Variants in SLC51A observed in about 807,000 individuals in gnomAD.
SLC51A encodes the protein solute carrier family 51 member A.
A neutral mutation model predicts 34.8 loss-of-function variants in SLC51A; 22 were observed. That is an observed-to-expected ratio of 0.63 (90% CI 0.45 to 0.90). The LOEUF (loss-of-function observed/expected upper bound fraction) is 0.90, where lower values mean the gene tolerates loss of function less well. Among genes scored for constraint, SLC51A ranks in the 40% least tolerant of loss-of-function variants. SLC51A has a pLI of 0.00. For synonymous variants in SLC51A, 181 were observed against 176.3 expected (o/e 1.03, Z -0.21); for missense variants, 371 against 414.8 (o/e 0.89, Z 0.92).
At position 196,233,257 on chromosome 3, in the gene SLC51A, A is replaced by C; in HGVS notation, c.*58A>C. The C allele has an allele frequency of 6.3e-7, 1 of 1,584,580 alleles. No homozygotes were observed. Among genetic ancestry groups the C allele is most frequent in the East Asian group, 2.2e-5 (1 of 44,572 alleles). ...ACTCATTAGAATACAAGATTCCTTTACTGTCCCTCAACCTTGACCAAATGG... is the reference window on the plus strand; with the variant it reads ...ACTCATTAGAATACAAGATTCCTTTCCTGTCCCTCAACCTTGACCAAATGG... On this transcript the variant is annotated 3_prime_UTR_variant, in exon 9 of 9. Transcript: ENST00000296327.
intron 2 of SLC51A, among the ~76,000 whole-genome samples, chr3:196,223,351 T>C (rs1341333627): frequency 6.6e-6 from 1 of 151,850 alleles, no homozygotes; most frequent in Non-Finnish European, 1.5e-5. Flanking sequence ...CCTGCCTCCG[T>C]GGAGTGTGCA....
rs550125213 is a variant in SLC51A, at chr3:196,222,584, G to A, written c.134-4381G>A. Among the ~76,000 whole-genome samples the A allele has an allele frequency of 4.8e-3, 718 of 150,870 alleles. 11 individuals are homozygous for A. Among genetic ancestry groups the A allele is most frequent in the Non-Finnish European group, 5.8e-3 (395 of 67,594 alleles). ...CACGAGGCGGAGCTTGCAGTAAGCC[G>A]AGATCGCGCCACTGCACCCCAGCCT... On this transcript the variant is annotated intron_variant, in intron 2 of 8. Transcript: ENST00000296327.
At chr3:196,226,851 T>G in intron 2 of SLC51A, 114 bp from the exon 3 acceptor site, 2 of 973,794 alleles carry the variant, frequency 2.1e-6, no homozygotes, top group East Asian at 2.6e-5. Flanking sequence ...AAATCCTCAT[T>G]CCTGTGCACG....
chr3:196,229,069 G>A (rs1723967527), intron 6 of SLC51A, 149 bp downstream of exon 6: 2 of 664,938 alleles, frequency 3.0e-6, no homozygotes, highest in East Asian at 5.5e-5. Flanking sequence ...GCCAGGGAGA[G>A]AACCGCAATA....
chr3:196,227,689 G>C lies in SLC51A; in HGVS notation c.314G>C (p.Gly105Ala). 6.2e-7 allele frequency: 1 copy of C among 1,613,918 alleles called. No homozygotes were observed. Among genetic ancestry groups the C allele is most frequent in the Non-Finnish European group, 8.5e-7 (1 of 1,179,976 alleles). ...PTVVSVLCCF[G>A]LWIPRSLVLV... Reference sequence around the variant, plus strand: ...GTGGTGTCTGTGCTGTGCTGCTTTGGTCTCTGGATCCCTCGTTCCCTGGTG... The same window carrying C: ...GTGGTGTCTGTGCTGTGCTGCTTTGCTCTCTGGATCCCTCGTTCCCTGGTG... Residue 105 changes from glycine to alanine, a missense_variant, in exon 4 of 9, where the codon GGT (glycine) becomes GCT (alanine). Physicochemically the swap from Gly to Ala is moderately conservative, Grantham distance 60 (BLOSUM62 0). Coordinates refer to ENST00000296327, the MANE Select transcript of SLC51A (RefSeq NM_152672.6).
intron 2 of SLC51A, among the ~76,000 whole-genome samples, chr3:196,221,908 C>T (rs1056790611): frequency 1.3e-5 from 2 of 151,472 alleles, no homozygotes. Context: ...TTAGTAGAGA[C>T]GGGGTTTCAC....
chr3:196,223,951 C>T (rs550816852), intron 2 of SLC51A: 2 of 372,170 alleles, frequency 5.4e-6, no homozygotes, highest in South Asian at 1.9e-5. Flanking sequence ...CCTCCACCTC[C>T]CAGTTCAAGC....
intron 3 of SLC51A, chr3:196,227,453 A>G: frequency 1.7e-6 from 1 of 601,128 alleles, no homozygotes; most frequent in East Asian, 2.8e-5. Context: ...ACAGGGTCAC[A>G]CTCAGCTCCA....
intron 2 of SLC51A, chr3:196,223,855 G>A (rs779721877): frequency 1.4e-5 from 5 of 368,400 alleles, no homozygotes; most frequent in Non-Finnish European, 2.6e-5. Flanking sequence ...TTTTTTTAAT[G>A]CCTTTTTTTT....
intron 8 of SLC51A, 88 bp from the exon 9 acceptor site, chr3:196,232,975 G>C: frequency 7.6e-7 from 1 of 1,322,232 alleles, no homozygotes; most frequent in South Asian, 1.3e-5. Context: ...TGGAGAAAGT[G>C]TTGCTCAACT....
chr3:196,217,625 AGAAG>A (rs1241442195), intron 1 of SLC51A, among the ~76,000 whole-genome samples: 81 of 151,172 alleles, frequency 5.4e-4, no homozygotes, highest in African/African-American at 1.8e-3. Flanking sequence ...AAGAGAGAGC[AGAAG>A]GAAGGAAGGA....
chr3:196,216,796 G>A lies in SLC51A; in HGVS notation c.38+46G>A. The A allele has an allele frequency of 1.9e-6, 3 of 1,540,926 alleles. No homozygotes were observed. Among genetic ancestry groups the A allele is most frequent in the Non-Finnish European group, 2.6e-6 (3 of 1,139,440 alleles). On this transcript the variant is annotated intron_variant, in intron 1 of 8. Transcript: ENST00000296327. This position sits in a 1 kb window ranked among gnomAD's most constrained non-coding sequence, Gnocchi z 4.5. Reference sequence around the variant, plus strand: ...CTGGGCCAGTCGCTGGGCAGCGGTGGCCCCTATCCCGCGGCCTGTCCTCTC... The same window carrying A: ...CTGGGCCAGTCGCTGGGCAGCGGTGACCCCTATCCCGCGGCCTGTCCTCTC...
intron 2 of SLC51A, among the ~76,000 whole-genome samples, chr3:196,219,292 T>C (rs1243548667): frequency 2.0e-5 from 3 of 152,166 alleles, no homozygotes; most frequent in African/African-American, 4.8e-5. Context: ...GGGCTCAGCT[T>C]ATTCCCCGGA....
chr3:196,231,936 A>AC (rs1210631462), intron 7 of SLC51A, among the ~76,000 whole-genome samples: 1 of 152,042 alleles, frequency 6.6e-6, no homozygotes, highest in African/African-American at 2.4e-5. Flanking sequence ...TACCATTACC[A>AC]CCGTCCATCT....
At chr3:196,220,170 C>T (rs1167078136) in intron 2 of SLC51A, among the ~76,000 whole-genome samples, 2 of 152,226 alleles carry the variant, frequency 1.3e-5, no homozygotes, top group Admixed American at 6.5e-5. Context: ...GCCGGGCTGG[C>T]GGAGGAGCTG....
intron 2 of SLC51A, among the ~76,000 whole-genome samples, chr3:196,221,567 T>G (rs1279901655): frequency 6.6e-6 from 1 of 150,650 alleles, no homozygotes; most frequent in Admixed American, 6.6e-5. Flanking sequence ...CGCCCGGCCT[T>G]AAAGCTACTT....
Position 196,228,329 on chromosome 3 carries a change from T to TG in SLC51A, c.521+58dup. On this transcript the variant is annotated intron_variant, in intron 5 of 8. Coordinates refer to ENST00000296327, the MANE Select transcript of SLC51A (RefSeq NM_152672.6). This position sits in a 1 kb window ranked among gnomAD's most constrained non-coding sequence, Gnocchi z 4.9. Reference sequence around the variant, plus strand: ...AGCCGGGGAGCCTCTCCTGGACCCCTGGTCCCCTTCAAGGCTCTGGGAATT... The same window carrying TG: ...AGCCGGGGAGCCTCTCCTGGACCCCTGGGTCCCCTTCAAGGCTCTGGGAATT... 1 of 1,562,682 alleles carries TG rather than the reference T, an allele frequency of 6.4e-7. No homozygotes were observed. Among genetic ancestry groups the TG allele is most frequent in the South Asian group, 1.2e-5 (1 of 85,450 alleles).
rs180920710 is a variant in SLC51A, at chr3:196,217,137, G to A, written c.38+387G>A. On this transcript the variant is annotated intron_variant, in intron 1 of 8. Coordinates refer to ENST00000296327, the MANE Select transcript of SLC51A (RefSeq NM_152672.6). ...CCCGACCCGCATGGAGAGAATCCAC[G>A]GTGGGCTCTTCAGGCACGGCAGCCA... Among the ~76,000 whole-genome samples, 292 of 152,332 alleles carry A rather than the reference G, an allele frequency of 1.9e-3. 1 individual carries two copies. Among genetic ancestry groups the A allele is most frequent in the African/African-American group, 6.7e-3 (277 of 41,576 alleles).
intron 3 of SLC51A, 186 bp from the exon 4 acceptor site, chr3:196,227,478 C>G (rs918532929): frequency 3.2e-6 from 2 of 620,332 alleles, no homozygotes; most frequent in African/African-American, 3.7e-5. Context: ...TACGCTGAGG[C>G]TTTTGAAACA....
Sources: gnomAD v4.1 joint callset for allele counts (sites outside exome capture counted in the v4.1 genomes callset) on GRCh38, gnomAD v4.1.1 for gene constraint, Gnocchi (gnomAD v3.1) non-coding constraint, MANE v1.5 for transcripts, NCBI Gene and HGNC (gene_info 2026-07-23, HGNC 2026-07-21) for gene names.